Variants in SLC25A21 observed in about 807,000 individuals in gnomAD.
SLC25A21 encodes the protein solute carrier family 25 member 21, also known as mitochondrial 2-oxodicarboxylate carrier.
Under a neutral mutation model 43.8 loss-of-function variants are expected in SLC25A21, and 47 were observed. The ratio of observed to expected loss-of-function variants is 1.07; its 90% CI spans 0.85 to 1.37. The LOEUF (loss-of-function observed/expected upper bound fraction) is 1.37. Among genes scored for constraint, SLC25A21 ranks in the 40% most tolerant of loss-of-function variants. The probability of loss-of-function intolerance (pLI) is 0.00; values close to 1 mark genes in which losing one functional copy is unlikely to be tolerated. For missense variants in SLC25A21, 352 were observed against 350.2 expected (o/e 1.00, Z -0.04); for synonymous variants, 131 against 121.3 (o/e 1.08, Z -0.52).
At chr14:36,761,252 C>G (rs1886145576) in intron 3 of SLC25A21, among the ~76,000 whole-genome samples, 1 of 152,216 alleles carries the variant, frequency 6.6e-6, no homozygotes, top group Admixed American at 6.5e-5. Flanking sequence ...CTCTACTACT[C>G]TCCCCGTCTG....
intron 2 of SLC25A21, among the ~76,000 whole-genome samples, chr14:36,818,649 A>G (rs1166242084): frequency 6.6e-6 from 1 of 152,180 alleles, no homozygotes; most frequent in East Asian, 1.9e-4. Context: ...TGGTTGCAGT[A>G]TTTTGTTCCA....
chr14:36,856,171 G>A (rs960017170), intron 2 of SLC25A21, among the ~76,000 whole-genome samples: 1 of 152,136 alleles, frequency 6.6e-6, no homozygotes, highest in Non-Finnish European at 1.5e-5. Context: ...TGGTGTCTTT[G>A]AACACAAATC....
At position 36,776,230 on chromosome 14, in the gene SLC25A21, C is replaced by CTTTTTTTTTTTTTTT. The variant is rs1328087696; in HGVS notation, c.203+37687_203+37688insAAAAAAAAAAAAAAA. 5.2e-3 allele frequency among the ~76,000 whole-genome samples: 369 copies of CTTTTTTTTTTTTTTT among 70,684 alleles called. 62 individuals carry two copies. Among genetic ancestry groups the CTTTTTTTTTTTTTTT allele is most frequent in the East Asian group, 0.011 (26 of 2,424 alleles). The allele number at this position is 70,684 out of a possible 152,430, so 46.4% of individuals were successfully genotyped here. A position where few individuals can be genotyped will look rare whatever the true frequency, so the allele number is the denominator to read the frequency against. On this transcript the variant is annotated intron_variant, in intron 3 of 9. Transcript: ENST00000331299. ...ACTGCTTTCTTTTTTCTTTTTCTTT[C>CTTTTTTTTTTTTTTT]TTTCTTTCTTTTTTTTTTTTTTTTG...
chr14:36,988,938 C>T (rs1379515588), intron 1 of SLC25A21, among the ~76,000 whole-genome samples: 1 of 152,206 alleles, frequency 6.6e-6, no homozygotes. Flanking sequence ...AATTATAGTA[C>T]ATTGATAGAA....
chr14:37,057,399 A>G (rs1471550431), intron 1 of SLC25A21, among the ~76,000 whole-genome samples: 1 of 152,210 alleles, frequency 6.6e-6, no homozygotes, highest in Non-Finnish European at 1.5e-5. Flanking sequence ...AATTTTAGCA[A>G]GTTGAGCTAC....
intron 1 of SLC25A21, among the ~76,000 whole-genome samples, chr14:37,145,579 C>T (rs183376961): frequency 3.3e-5 from 5 of 152,062 alleles, no homozygotes; most frequent in African/African-American, 9.6e-5. Context: ...GAGTAAGTCC[C>T]CTATCATATG....
chr14:36,947,124 A>G lies in SLC25A21; in HGVS notation c.71-72120T>C, dbSNP rs144135133. 7.9e-4 allele frequency among the ~76,000 whole-genome samples: 120 copies of G among 152,296 alleles called. 2 individuals carry two copies. In the East Asian group the frequency reaches 0.016, roughly 21 times the overall value. On this transcript the variant is annotated intron_variant, in intron 1 of 9. Transcript: ENST00000331299. ...GAAACAGCCCATAAGTGATAATGAA[A>G]TGCATAAAGCAATGAGAAACAGAAT...
chr14:36,933,565 T>C (rs1892346634), intron 1 of SLC25A21, among the ~76,000 whole-genome samples: 1 of 152,190 alleles, frequency 6.6e-6, no homozygotes, highest in South Asian at 2.1e-4. Context: ...AAGAAGATAC[T>C]TTCTCAAGAA....
intron 1 of SLC25A21, among the ~76,000 whole-genome samples, chr14:36,903,135 A>G (rs1891439558): frequency 6.6e-6 from 1 of 152,216 alleles, no homozygotes; most frequent in South Asian, 2.1e-4. Flanking sequence ...TCATCACTGC[A>G]CAAACATTTG....
At chr14:36,720,068 C>T (rs1884314751) in intron 6 of SLC25A21, among the ~76,000 whole-genome samples, 1 of 152,206 alleles carries the variant, frequency 6.6e-6, no homozygotes, top group Admixed American at 6.5e-5. Context: ...GGCCCTCTGC[C>T]AGCCAGGCCC....
chr14:37,031,162 T>G (rs1206791507), intron 1 of SLC25A21, among the ~76,000 whole-genome samples: 1 of 152,158 alleles, frequency 6.6e-6, no homozygotes, highest in South Asian at 2.1e-4. Flanking sequence ...AAACTTTGTA[T>G]AGAGACAAGA....
At position 37,023,032 on chromosome 14, in the gene SLC25A21, G is replaced by A. The variant is rs943446058; in HGVS notation, c.71-148028C>T. Among the ~76,000 whole-genome samples the A allele has an allele frequency of 3.9e-5, 6 of 151,910 alleles. No individual in the cohort carries two copies. In the East Asian group the frequency reaches 7.7e-4, roughly 20 times the overall value. On this transcript the variant is annotated intron_variant, in intron 1 of 9. Coordinates refer to ENST00000331299, the MANE Select transcript of SLC25A21 (RefSeq NM_030631.4). ...TAGGGTCCATTGCCTTCTGCAGGCCGTCAACACAACACAACTCTCAAATTT... is the reference window on the plus strand; with the variant it reads ...TAGGGTCCATTGCCTTCTGCAGGCCATCAACACAACACAACTCTCAAATTT...
At chr14:36,731,423 A>G (rs1461177416) in intron 4 of SLC25A21, among the ~76,000 whole-genome samples, 1 of 152,230 alleles carries the variant, frequency 6.6e-6, no homozygotes, top group East Asian at 1.9e-4. Flanking sequence ...TCTAACTCTC[A>G]GGAACACAAA....
rs11624672 is a variant in SLC25A21, at chr14:37,075,400, T to C, written c.70+96881A>G. Among the ~76,000 whole-genome samples, 846 of 152,274 alleles carry C rather than the reference T, an allele frequency of 5.6e-3. 5 individuals carry two copies. Among genetic ancestry groups the C allele is most frequent in the African/African-American group, 0.014 (599 of 41,546 alleles). On this transcript the variant is annotated intron_variant, in intron 1 of 9. Transcript: ENST00000331299. Reference sequence around the variant, plus strand: ...ATCTACCTTTGAAACTTCATATTGATAGACCCAGACAATTTTTCACTTAAA... The same window carrying C: ...ATCTACCTTTGAAACTTCATATTGACAGACCCAGACAATTTTTCACTTAAA...
At chr14:37,158,814 A>C (rs2076371469) in intron 1 of SLC25A21, among the ~76,000 whole-genome samples, 1 of 152,150 alleles carries the variant, frequency 6.6e-6, no homozygotes, top group Admixed American at 6.5e-5. Context: ...CTGATGATAT[A>C]ATCTTGTATC....
chr14:37,072,559 A>G (rs1962194679), intron 1 of SLC25A21, among the ~76,000 whole-genome samples: 1 of 152,164 alleles, frequency 6.6e-6, no homozygotes, highest in Admixed American at 6.5e-5. Flanking sequence ...GTTCGAGACC[A>G]GCCTAGCTAA....
intron 1 of SLC25A21, among the ~76,000 whole-genome samples, chr14:36,917,709 C>G (rs1440424437): frequency 9.3e-6 from 1 of 107,060 alleles, no homozygotes; most frequent in East Asian, 1.9e-4. Context: ...TTGAATAGTT[C>G]CTAAGCAAAC....
intron 5 of SLC25A21, among the ~76,000 whole-genome samples, chr14:36,728,542 T>C (rs1422384587): frequency 6.6e-6 from 1 of 152,236 alleles, no homozygotes; most frequent in African/African-American, 2.4e-5. Context: ...AAGCCATGTC[T>C]CCCAGCTATC....
intron 2 of SLC25A21, among the ~76,000 whole-genome samples, chr14:36,859,890 G>A (rs1229347849): frequency 4.6e-5 from 7 of 152,124 alleles, no homozygotes; most frequent in Non-Finnish European, 1.0e-4. Context: ...ACACATGGCT[G>A]TGCCCATTTT....
Sources: gnomAD v4.1 joint callset for allele counts (sites outside exome capture counted in the v4.1 genomes callset) on GRCh38, gnomAD v4.1.1 for gene constraint, MANE v1.5 for transcripts, NCBI Gene and HGNC (gene_info 2026-07-23, HGNC 2026-07-21) for gene names.